TM9SF2: variants seen among roughly 807,000 people sequenced by gnomAD.
The protein encoded by TM9SF2 is 76 kDa membrane protein.
A neutral mutation model predicts 84.9 loss-of-function variants in TM9SF2; 13 were observed. The ratio of observed to expected loss-of-function variants is 0.15; its 90% CI spans 0.10 to 0.24. The LOEUF is 0.24. Ranked by LOEUF, TM9SF2 falls within the 10% of genes least tolerant of loss-of-function variation. The pLI, the probability that TM9SF2 is intolerant of heterozygous loss-of-function variation, is 1.00. For missense variants in TM9SF2, 562 were observed against 818.5 expected, an observed-to-expected ratio of 0.69 and a Z score of 3.82; for synonymous variants, 273 against 285.8, an observed-to-expected ratio of 0.96 and a Z score of 0.45.
At chr13:99,555,490 C>A in intron 14 of TM9SF2, 46 bp from the exon 15 acceptor site, 1 of 1,424,650 alleles carries the variant, frequency 7.0e-7, no homozygotes, top group South Asian at 1.2e-5. Context: ...TGTATTGTGT[C>A]AAATTGAAAA....
At chr13:99,527,194 A>C (rs760208727) in intron 3 of TM9SF2, among the ~76,000 whole-genome samples, 18 of 152,174 alleles carry the variant, frequency 1.2e-4, no homozygotes, top group Admixed American at 5.2e-4. Context: ...GGTGGTGACT[A>C]ATATTCAGAG....
Position 99,552,335 on chromosome 13 carries a change from A to T in TM9SF2, c.1488+9A>T. 1.2e-6 allele frequency: 2 copies of T among 1,612,122 alleles called. No homozygotes were observed. The highest frequency in any genetic ancestry group is 1.7e-6 in the Non-Finnish European group (2 of 1,179,070). On this transcript the variant is annotated intron_variant, in intron 13 of 16. Coordinates refer to ENST00000376387, the MANE Select transcript of TM9SF2 (RefSeq NM_004800.3). ...TTGGTTTTAAGAAGAATGTAAGTTT[A>T]TAGGTGTTAACTTATTCAGGTGAAT...
intron 9 of TM9SF2, among the ~76,000 whole-genome samples, chr13:99,542,998 G>A (rs2046267332): frequency 6.6e-6 from 1 of 152,130 alleles, no homozygotes; most frequent in Non-Finnish European, 1.5e-5. Flanking sequence ...GGCTTCTAAG[G>A]CCCCACGTTA....
chr13:99,542,905 A>G (rs1434993961), intron 9 of TM9SF2, among the ~76,000 whole-genome samples: 1 of 152,004 alleles, frequency 6.6e-6, no homozygotes, highest in Non-Finnish European at 1.5e-5. Flanking sequence ...AACTGCTCAA[A>G]CAGAAGTCAG....
At chr13:99,529,787 T>C (rs2046200341) in intron 4 of TM9SF2, among the ~76,000 whole-genome samples, 193 bp downstream of exon 4, 1 of 152,238 alleles carries the variant, frequency 6.6e-6, no homozygotes, top group African/African-American at 2.4e-5. Context: ...GTATCATCTT[T>C]TAACTGTGTT....
intron 15 of TM9SF2, among the ~76,000 whole-genome samples, chr13:99,557,219 A>G (rs969941334): frequency 1.2e-4 from 18 of 152,174 alleles, no homozygotes; most frequent in African/African-American, 3.9e-4. Context: ...AAAAAATTGT[A>G]GCTGTCTTCG....
intron 16 of TM9SF2, 23 bp from the exon 17 acceptor site, chr13:99,562,668 T>C (rs767289694): frequency 1.2e-6 from 2 of 1,607,702 alleles, no homozygotes; most frequent in Non-Finnish European, 8.5e-7. Context: ...AAAAGGGGTT[T>C]ATTTTTATTT....
Position 99,543,883 on chromosome 13 carries a change from T to C in TM9SF2, c.1038T>C (p.Phe346=), listed in dbSNP as rs1310788769. 1 of 1,614,088 alleles carries C rather than the reference T, an allele frequency of 6.2e-7. No individual in the cohort carries two copies. The highest frequency in any genetic ancestry group is 8.5e-7 in the Non-Finnish European group (1 of 1,179,980). ...TTTAGGAAGATGCCCAGGAAGAATT[T>C]GGCTGGAAACTTGTTCATGGTGATA... ...MDSTEDAQEE[F]GWKLVHGDIF... Residue 346 remains phenylalanine, a synonymous_variant, in exon 10 of 17, where the codon TTT becomes TTC. Coordinates refer to ENST00000376387, the MANE Select transcript of TM9SF2 (RefSeq NM_004800.3).
chr13:99,553,732 T>C (rs2046314856), intron 13 of TM9SF2, among the ~76,000 whole-genome samples: 1 of 152,216 alleles, frequency 6.6e-6, no homozygotes, highest in African/African-American at 2.4e-5. Flanking sequence ...TTGTGTCCTT[T>C]AGGTTCCAGT....
intron 1 of TM9SF2, among the ~76,000 whole-genome samples, chr13:99,513,437 CAG>C (rs1299830852): frequency 5.9e-5 from 9 of 152,156 alleles, no homozygotes; most frequent in Non-Finnish European, 1.3e-4. Context: ...CATGAAACTT[CAG>C]AGAGGACATC....
At position 99,517,636 on chromosome 13, in the gene TM9SF2, AC is replaced by A; in HGVS notation, c.195del (p.Asn65LysfsTer75). 6.3e-7 allele frequency: 1 copy of A among 1,588,844 alleles called. No homozygotes were observed. Among genetic ancestry groups the A allele is most frequent in the African/African-American group, 1.4e-5 (1 of 73,838 alleles). On this transcript the variant is annotated frameshift_variant, in exon 2 of 17. Transcript: ENST00000376387. LOFTEE classifies it high-confidence loss of function. ...CAGGCCGAAATAGAACTATTTGTGA[AC>A]AGACTTGATTCAGTGGAATCAGTTC... ...ECKAEIELFV[N>X]RLDSVESVLP...
At chr13:99,512,611 A>G (rs751295871) in intron 1 of TM9SF2, among the ~76,000 whole-genome samples, 8 of 152,244 alleles carry the variant, frequency 5.3e-5, no homozygotes, top group Non-Finnish European at 1.2e-4. Flanking sequence ...GGTTTAAATG[A>G]CACCAAGTTT....
At chr13:99,538,980 G>A (rs906760673) in intron 6 of TM9SF2, among the ~76,000 whole-genome samples, 1 of 151,930 alleles carries the variant, frequency 6.6e-6, no homozygotes, top group African/African-American at 2.4e-5. Flanking sequence ...GAGGCAGTAG[G>A]ATTGCTTGAG....
intron 4 of TM9SF2, among the ~76,000 whole-genome samples, chr13:99,533,316 GAACT>G (rs1453052444): frequency 6.6e-6 from 1 of 152,176 alleles, no homozygotes; most frequent in Non-Finnish European, 1.5e-5. Flanking sequence ...CTATTCTACA[GAACT>G]AACACTATTA....
At chr13:99,508,439 A>ACACACACACACACC (rs1173676529) in intron 1 of TM9SF2, among the ~76,000 whole-genome samples, 6 of 151,448 alleles carry the variant, frequency 4.0e-5, no homozygotes, top group Non-Finnish European at 7.4e-5. Context: ...ACACACACAC[A>ACACACACACACACC]CACACCCCAG....
At chr13:99,545,005 A>G (rs2046276993) in intron 10 of TM9SF2, among the ~76,000 whole-genome samples, 1 of 152,172 alleles carries the variant, frequency 6.6e-6, no homozygotes, top group African/African-American at 2.4e-5. Flanking sequence ...AGGTTTATGA[A>G]TAGAATTTTC....
At chr13:99,541,512 T>C (rs1303974339) in intron 8 of TM9SF2, 47 bp from the exon 9 acceptor site, 1 of 1,385,040 alleles carries the variant, frequency 7.2e-7, no homozygotes, top group African/African-American at 1.4e-5. Flanking sequence ...GTTTTACTGT[T>C]CCTAGGATTA....
intron 10 of TM9SF2, among the ~76,000 whole-genome samples, chr13:99,544,623 A>T (rs1168682651): frequency 2.6e-5 from 4 of 152,192 alleles, no homozygotes; most frequent in Non-Finnish European, 4.4e-5. Context: ...CATCGTGGGC[A>T]GGCACAGTCT....
At chr13:99,540,248 G>A (rs914062503) in intron 7 of TM9SF2, among the ~76,000 whole-genome samples, 17 of 151,680 alleles carry the variant, frequency 1.1e-4, no homozygotes, top group Non-Finnish European at 7.4e-5. Context: ...TAATATCCCC[G>A]TATAATGTTT....
Sources: allele counts gnomAD v4.1 joint callset (sites outside exome capture counted in the v4.1 genomes callset), GRCh38; gene constraint gnomAD v4.1.1; transcripts MANE v1.5; gene names NCBI Gene and HGNC (gene_info 2026-07-23, HGNC 2026-07-21).